The following CNTNAP4 variants were observed in gnomAD, a reference collection of about 807,000 sequenced individuals.
The protein encoded by CNTNAP4 is contactin associated protein family member 4, also known as contactin-associated protein-like 4.
CNTNAP4 carries 98 observed loss-of-function variants against 148.4 expected under a neutral mutation model. The observed-to-expected ratio is 0.66, with a 90% CI of 0.56 to 0.78. The LOEUF is 0.78. CNTNAP4 is among the 30% of genes least tolerant of loss of function. The pLI is 0.00. For synonymous variants in CNTNAP4, 730 were observed against 565.1 expected (o/e 1.29, Z -4.14); for missense variants, 1,935 against 1,565.6 (o/e 1.24, Z -3.98).
At chr16:76,341,744 A>G (rs1036927679) in intron 2 of CNTNAP4, among the ~76,000 whole-genome samples, 1 of 152,226 alleles carries the variant, frequency 6.6e-6, no homozygotes, top group Non-Finnish European at 1.5e-5. Context: ...CATCCAAAAA[A>G]AAAATCATTG....
At chr16:76,326,958 A>T (rs1184773467) in intron 2 of CNTNAP4, among the ~76,000 whole-genome samples, 3 of 152,216 alleles carry the variant, frequency 2.0e-5, no homozygotes. Flanking sequence ...AATAAAATTT[A>T]AAAAATACAA....
intron 3 of CNTNAP4, among the ~76,000 whole-genome samples, chr16:76,406,551 A>G (rs539567884): frequency 1.8e-4 from 27 of 152,274 alleles, no homozygotes; most frequent in African/African-American, 5.1e-4. Flanking sequence ...GGCTTCTTGC[A>G]GCAAACATTT....
At chr16:76,457,539 G>A (rs1419969150) in intron 8 of CNTNAP4, among the ~76,000 whole-genome samples, 1 of 152,130 alleles carries the variant, frequency 6.6e-6, no homozygotes, top group Non-Finnish European at 1.5e-5. Flanking sequence ...TTTTGCTTCT[G>A]TATGGACAGT....
intron 10 of CNTNAP4, among the ~76,000 whole-genome samples, chr16:76,472,806 T>G (rs940183040): frequency 6.6e-6 from 1 of 151,886 alleles, no homozygotes; most frequent in African/African-American, 2.4e-5. Context: ...TTACTGGAGG[T>G]TGGAGGGTGG....
Position 76,496,017 on chromosome 16 carries a change from A to G in CNTNAP4, c.2237+951A>G, listed in dbSNP as rs550286802. Among the ~76,000 whole-genome samples, 8 of 152,102 alleles carry G rather than the reference A, an allele frequency of 5.3e-5. No individual in the cohort carries two copies. In the East Asian group the frequency reaches 1.5e-3, roughly 29 times the overall value. ...CATTTAGTTGGGAAACATCAAGATTATGTTATATCATACATCAAGATTATA... is the reference window on the plus strand; with the variant it reads ...CATTTAGTTGGGAAACATCAAGATTGTGTTATATCATACATCAAGATTATA... On this transcript the variant is annotated intron_variant, in intron 14 of 23. Transcript: ENST00000611870.
intron 12 of CNTNAP4, 112 bp downstream of exon 12, chr16:76,479,650 T>C: frequency 1.9e-6 from 2 of 1,044,700 alleles, no homozygotes; most frequent in South Asian, 3.2e-5. Context: ...GATTAAAATA[T>C]GTATTGTTCC....
intron 15 of CNTNAP4, 32 bp from the exon 16 acceptor site, chr16:76,521,108 A>G (rs779389324): frequency 4.1e-6 from 6 of 1,478,290 alleles, no homozygotes; most frequent in East Asian, 4.8e-5. Context: ...TTCTTTCTGA[A>G]TTTTTTTTTC....
intron 3 of CNTNAP4, among the ~76,000 whole-genome samples, chr16:76,406,302 G>T (rs1475577748): frequency 6.6e-6 from 1 of 152,000 alleles, no homozygotes; most frequent in Non-Finnish European, 1.5e-5. Flanking sequence ...CAAACTTAAT[G>T]GATAAATGTG....
intron 15 of CNTNAP4, among the ~76,000 whole-genome samples, chr16:76,512,224 C>A (rs190246505): frequency 6.6e-6 from 1 of 152,214 alleles, no homozygotes; most frequent in East Asian, 1.9e-4. Flanking sequence ...CATTTTCAAT[C>A]TGAATGAAAT....
chr16:76,353,692 C>A (rs2012167405), intron 2 of CNTNAP4, among the ~76,000 whole-genome samples: 1 of 152,102 alleles, frequency 6.6e-6, no homozygotes, highest in Non-Finnish European at 1.5e-5. Context: ...CCTACAGCTC[C>A]AGTTTACCCT....
At chr16:76,424,829 A>G (rs2079325765) in intron 3 of CNTNAP4, among the ~76,000 whole-genome samples, 1 of 152,028 alleles carries the variant, frequency 6.6e-6, no homozygotes, top group Admixed American at 6.6e-5. Context: ...GAGAGAACAA[A>G]ATCAATGCTC....
chr16:76,554,565 C>A (rs1174268012), intron 23 of CNTNAP4, among the ~76,000 whole-genome samples: 2 of 151,688 alleles, frequency 1.3e-5, no homozygotes, highest in Admixed American at 6.6e-5. Flanking sequence ...TTTTCAAAAG[C>A]AACTCAAAAA....
At chr16:76,513,073 G>A (rs916985912) in intron 15 of CNTNAP4, among the ~76,000 whole-genome samples, 2 of 152,138 alleles carry the variant, frequency 1.3e-5, no homozygotes, top group Admixed American at 6.5e-5. Context: ...TCACGAGAGT[G>A]GGGTTTCTGA....
intron 1 of CNTNAP4, among the ~76,000 whole-genome samples, chr16:76,296,652 G>C (rs767560508): frequency 6.6e-6 from 1 of 152,104 alleles, no homozygotes; most frequent in Admixed American, 6.6e-5. Flanking sequence ...GGCAGAGAGA[G>C]AGAGAGAGAG....
At chr16:76,472,029 T>TGGCTGCATAGTATTC (rs764156163) in intron 10 of CNTNAP4, among the ~76,000 whole-genome samples, 1 of 152,156 alleles carries the variant, frequency 6.6e-6, no homozygotes, top group African/African-American at 2.4e-5. Flanking sequence ...AATCTTACTA[T>TGGCTGCATAGTATTC]CACTTTAGGT....
chr16:76,384,771 C>G (rs2016346356), intron 3 of CNTNAP4, among the ~76,000 whole-genome samples: 1 of 152,190 alleles, frequency 6.6e-6, no homozygotes, highest in Non-Finnish European at 1.5e-5. Context: ...GCATATATAA[C>G]ACATTTTCAA....
chr16:76,515,098 A>C (rs2144039059), intron 15 of CNTNAP4, among the ~76,000 whole-genome samples: 1 of 152,344 alleles, frequency 6.6e-6, no homozygotes, highest in East Asian at 1.9e-4. Flanking sequence ...ATGAGACTTT[A>C]TCAAAATGAA....
chr16:76,463,958 A>G (rs2081080863), intron 9 of CNTNAP4, among the ~76,000 whole-genome samples: 1 of 152,040 alleles, frequency 6.6e-6, no homozygotes, highest in African/African-American at 2.4e-5. Flanking sequence ...TTATTCAATC[A>G]TTTTTTCAAT....
intron 4 of CNTNAP4, among the ~76,000 whole-genome samples, chr16:76,441,780 C>T (rs1165872704): frequency 6.6e-6 from 1 of 152,148 alleles, no homozygotes; most frequent in Non-Finnish European, 1.5e-5. Flanking sequence ...GCACCTTTTC[C>T]TGCCCAATAT....
Sources: allele counts gnomAD v4.1 joint callset (sites outside exome capture counted in the v4.1 genomes callset), GRCh38; gene constraint gnomAD v4.1.1; transcripts MANE v1.5; gene names NCBI Gene and HGNC (gene_info 2026-07-23, HGNC 2026-07-21).